BCKDHA: variants seen among roughly 807,000 people sequenced by gnomAD.
BCKDHA encodes 2-oxoisovalerate dehydrogenase subunit alpha, mitochondrial.
A neutral mutation model predicts 52.2 loss-of-function variants in BCKDHA; 43 were observed. That is an observed-to-expected ratio of 0.82 (90% confidence interval 0.64 to 1.06). BCKDHA has a LOEUF of 1.06. BCKDHA is among the 50% of genes least tolerant of loss of function. The probability of loss-of-function intolerance (pLI) is 0.00; values close to 1 mark genes in which losing one functional copy is unlikely to be tolerated. For missense variants in BCKDHA, 527 were observed against 621.3 expected (o/e 0.85, Z 1.61); for synonymous variants, 234 against 247.9 (o/e 0.94, Z 0.53).
chr19:41,405,737 G>A (rs2123245265), intron 1 of BCKDHA, among the ~76,000 whole-genome samples: 2 of 152,270 alleles, frequency 1.3e-5, no homozygotes, highest in Middle Eastern at 3.4e-3. Context: ...GGGAGTTTAA[G>A]TCACATAATC....
At chr19:41,413,331 CTT>C (rs1185068598) in intron 3 of BCKDHA, among the ~76,000 whole-genome samples, 2 of 151,344 alleles carry the variant, frequency 1.3e-5, no homozygotes, top group Non-Finnish European at 1.5e-5. Flanking sequence ...GAGTGCGTGT[CTT>C]TTTGAGGCTC....
At chr19:41,413,657 G>T (rs964941734) in intron 3 of BCKDHA, among the ~76,000 whole-genome samples, 2 of 152,110 alleles carry the variant, frequency 1.3e-5, no homozygotes, top group Non-Finnish European at 2.9e-5. Flanking sequence ...CGTTCCCTTT[G>T]TTATCTGGGT....
At chr19:41,411,787 C>T (rs760877549) in intron 3 of BCKDHA, among the ~76,000 whole-genome samples, 84 of 152,188 alleles carry the variant, frequency 5.5e-4, no homozygotes, top group Non-Finnish European at 9.9e-4. Context: ...CCAGTAGCCC[C>T]GAGTCCTGAT....
intron 4 of BCKDHA, among the ~76,000 whole-genome samples, chr19:41,416,211 T>A (rs1454489576): frequency 1.3e-5 from 2 of 152,120 alleles, no homozygotes; most frequent in Admixed American, 1.3e-4. Context: ...CCCAAAGTGC[T>A]GGGGATTACA....
At chr19:41,408,557 A>AG (rs2039218554) in intron 1 of BCKDHA, among the ~76,000 whole-genome samples, 1 of 151,700 alleles carries the variant, frequency 6.6e-6, no homozygotes, top group African/African-American at 2.4e-5. Context: ...GGGCTTTCTC[A>AG]GCCATTCCTC....
At position 41,424,573 on chromosome 19, in the gene BCKDHA, G is replaced by A. The variant is rs749876943; in HGVS notation, c.1303G>A (p.Gly435Arg). 26 of 1,613,380 alleles carry A rather than the reference G, an allele frequency of 1.6e-5. No individual in the cohort carries two copies. Among genetic ancestry groups the A allele is most frequent in the Non-Finnish European group, 2.1e-5 (25 of 1,179,700 alleles). ...TCTGGCCCGCCACCTGCAGACCTAC[G>A]GGGAGCACTACCCACTGGATCACTT... is the stretch of plus-strand genomic sequence containing the variant. The part of the protein sequence containing the change: ...ESLARHLQTY[G>R]EHYPLDHFDK The change falls in exon 9 of 9, where the codon GGG becomes AGG. Residue 435 changes from glycine (G) to arginine (R), a missense_variant. Transcript: ENST00000269980.
intron 8 of BCKDHA, among the ~76,000 whole-genome samples, chr19:41,423,504 G>A (rs2039393174): frequency 6.6e-6 from 1 of 152,112 alleles, no homozygotes; most frequent in Non-Finnish European, 1.5e-5. Context: ...GAACAGCCTG[G>A]CCAAACATGG....
At chr19:41,402,703 G>A (rs1438238861) in intron 1 of BCKDHA, among the ~76,000 whole-genome samples, 4 of 152,118 alleles carry the variant, frequency 2.6e-5, no homozygotes, top group Admixed American at 6.5e-5. Flanking sequence ...GTGCAGTGGC[G>A]TGATTTCTGC....
intron 1 of BCKDHA, among the ~76,000 whole-genome samples, chr19:41,402,865 T>C (rs1001257827): frequency 2.0e-5 from 3 of 152,206 alleles, no homozygotes; most frequent in Non-Finnish European, 4.4e-5. Flanking sequence ...GGTCTCGAAC[T>C]CCTGGCCTCA....
rs771362136 is a variant in BCKDHA at position 41,397,844 on chromosome 19, C to T, written c.17C>T (p.Ala6Val). Residue 6 changes from alanine to valine, a missense_variant, in exon 1 of 9, where the codon GCT becomes GTT. Coordinates refer to ENST00000269980, the MANE Select transcript of BCKDHA (RefSeq NM_000709.4). Reference protein sequence around the residue: MAVAIAAARVWRLNRG... With the variant: MAVAIVAARVWRLNRG... Reference sequence around the variant, plus strand: ...TTAGCCAAGATGGCGGTAGCGATCGCTGCAGCGAGGGTCTGGCGGCTAAAC... The same window carrying T: ...TTAGCCAAGATGGCGGTAGCGATCGTTGCAGCGAGGGTCTGGCGGCTAAAC... 4 of 1,614,178 alleles carry T rather than the reference C, an allele frequency of 2.5e-6. No homozygotes were observed. In the East Asian group the frequency reaches 8.9e-5, roughly 36 times the overall value.
chr19:41,424,901 TG>T lies in BCKDHA; in HGVS notation c.*296del, dbSNP rs1430321883. On this transcript the variant is annotated 3_prime_UTR_variant, in exon 9 of 9. Transcript: ENST00000269980. ...GCACATTCAGGACTAGAAGCCCCTC[TG>T]GGCATGGGGTGGACATGGCAGGTCA... 3 of 363,622 alleles carry T rather than the reference TG, an allele frequency of 8.3e-6. No homozygotes were observed. The highest frequency in any genetic ancestry group is 6.2e-5 in the African/African-American group (3 of 48,588). 22.5% of individuals were successfully genotyped at this position (363,622 alleles called of 1,614,324 possible).
At chr19:41,420,925 C>T (rs2039357686) in intron 5 of BCKDHA, among the ~76,000 whole-genome samples, 1 of 152,222 alleles carries the variant, frequency 6.6e-6, no homozygotes, top group Non-Finnish European at 1.5e-5. Flanking sequence ...TGGTCTGGGC[C>T]CTGGCTTCTT....
At chr19:41,411,693 C>T (rs1230779096) in intron 3 of BCKDHA, among the ~76,000 whole-genome samples, 7 of 152,126 alleles carry the variant, frequency 4.6e-5, no homozygotes, top group East Asian at 3.9e-4. Context: ...ACTTTAGTCC[C>T]GGCAGTTGCT....
Position 41,417,319 on chromosome 19 carries a change from T to C in BCKDHA, c.485-1816T>C, listed in dbSNP as rs554904525. ...GCACGAGCCACTGAGCCTGACAAGT[T>C]TGTACTTTTAGCACGTTCCCCTGCC... On this transcript the variant is annotated intron_variant, in intron 4 of 8. Coordinates refer to ENST00000269980, the MANE Select transcript of BCKDHA (RefSeq NM_000709.4). 3.3e-5 allele frequency among the ~76,000 whole-genome samples: 5 copies of C among 152,224 alleles called. No homozygotes were observed. The East Asian group carries it at 9.7e-4, about 29-fold the overall frequency.
intron 1 of BCKDHA, among the ~76,000 whole-genome samples, chr19:41,410,020 C>T (rs1322608068): frequency 1.3e-5 from 2 of 152,254 alleles, no homozygotes; most frequent in East Asian, 1.9e-4. Context: ...ACATTGATCT[C>T]GAACTCCTGA....
At chr19:41,398,336 C>T (rs868470576) in intron 1 of BCKDHA, among the ~76,000 whole-genome samples, 1 of 152,260 alleles carries the variant, frequency 6.6e-6, no homozygotes, top group East Asian at 1.9e-4. Flanking sequence ...GGGCAAAGAT[C>T]CCTCTTCAAG....
intron 1 of BCKDHA, among the ~76,000 whole-genome samples, chr19:41,405,056 CTTCAG>C (rs1487373292): frequency 2.0e-5 from 3 of 152,162 alleles, no homozygotes; most frequent in Non-Finnish European, 4.4e-5. Context: ...TGTCTCTAGC[CTTCAG>C]TTCAGGGCAT....
chr19:41,418,346 C>G (rs1331302612), intron 4 of BCKDHA, among the ~76,000 whole-genome samples: 1 of 152,120 alleles, frequency 6.6e-6, no homozygotes, highest in African/African-American at 2.4e-5. Flanking sequence ...TCACAAACCC[C>G]CTTCTGTCTT....
chr19:41,407,979 A>G (rs1367601925), intron 1 of BCKDHA, among the ~76,000 whole-genome samples: 5 of 134,742 alleles, frequency 3.7e-5, no homozygotes, highest in African/African-American at 1.4e-4. Context: ...TTTTTGAGAC[A>G]GGGTCTCACT....
Sources: allele counts gnomAD v4.1 joint callset (sites outside exome capture counted in the v4.1 genomes callset), GRCh38; gene constraint gnomAD v4.1.1; transcripts MANE v1.5; gene names NCBI Gene and HGNC (gene_info 2026-07-23, HGNC 2026-07-21).